The following VPS29 variants were observed in gnomAD, a reference collection of about 807,000 sequenced individuals.
VPS29 encodes the protein VPS29 retromer complex component, also known as vacuolar protein sorting-associated protein 29.
Under a neutral mutation model 20.0 loss-of-function variants are expected in VPS29, and 2 were observed. That is an observed-to-expected ratio of 0.10 (90% CI 0.04 to 0.31). The LOEUF is 0.31. Ranked by LOEUF, VPS29 falls within the 10% of genes least tolerant of loss-of-function variation. The pLI is 1.00. For synonymous variants in VPS29, 81 were observed against 79.3 expected (o/e 1.02, Z -0.12); for missense variants, 120 against 215.3 (o/e 0.56, Z 2.77).
intron 1 of VPS29, chr12:110,501,318 G>C: frequency 1.4e-6 from 2 of 1,446,392 alleles, no homozygotes; most frequent in Non-Finnish European, 1.9e-6. Flanking sequence ...GGGAGACTAG[G>C]TAAGTCTCCA....
At chr12:110,499,484 A>G in intron 1 of VPS29, 1 of 1,611,372 alleles carries the variant, frequency 6.2e-7, no homozygotes, top group Non-Finnish European at 8.5e-7. Context: ...TCCAGTCAGT[A>G]AACAGCCACC....
At chr12:110,498,116 C>T (rs1449604106) in intron 1 of VPS29, among the ~76,000 whole-genome samples, 1 of 151,772 alleles carries the variant, frequency 6.6e-6, no homozygotes, top group African/African-American at 2.4e-5. Context: ...GGATTACAAG[C>T]GCTCTCCACT....
rs555309641 is a variant in VPS29, at chr12:110,493,361, C to T, written c.196-130G>A. The T allele has an allele frequency of 1.1e-5, 6 of 566,804 alleles. No homozygotes were observed. In the East Asian group the frequency reaches 1.4e-4, roughly 13 times the overall value. 35.1% of individuals were successfully genotyped at this position (566,804 alleles called of 1,614,324 possible). The stretch of plus-strand genomic sequence containing the variant: ...GTACCCCACAACACACACATTTATA[C>T]ATTTTTTTTTTTTTTTGAGACAGAG... On this transcript the variant is annotated intron_variant, in intron 2 of 3. Coordinates refer to ENST00000549578, the MANE Select transcript of VPS29 (RefSeq NM_016226.5).
At chr12:110,492,559 G>C (rs1476880503) in intron 3 of VPS29, among the ~76,000 whole-genome samples, 1 of 149,038 alleles carries the variant, frequency 6.7e-6, no homozygotes, top group East Asian at 1.9e-4. Context: ...GACAGAGCAA[G>C]ACTCTGTCTC....
At chr12:110,496,702 A>ATT (rs1401758757) in intron 1 of VPS29, 1 of 152,230 alleles carries the variant, frequency 6.6e-6, no homozygotes, top group Non-Finnish European at 1.5e-5. Context: ...GAAATGATAT[A>ATT]TTAATCCCAG....
rs1301177478 is a variant in VPS29 at position 110,502,102 on chromosome 12, C to T, written c.-51G>A. On this transcript the variant is annotated 5_prime_UTR_variant, in exon 1 of 4. Coordinates refer to ENST00000549578, the MANE Select transcript of VPS29 (RefSeq NM_016226.5). ...CCACCACCGTCGCCGCCCTCTTCCT[C>T]AGGCTCCTCGGCGACCCGCCCACTT... 6.3e-7 allele frequency: 1 copy of T among 1,595,578 alleles called. No individual in the cohort carries two copies. The highest frequency in any genetic ancestry group is 1.8e-4 in the Middle Eastern group (1 of 5,530).
chr12:110,497,461 C>T (rs974374969), intron 1 of VPS29, among the ~76,000 whole-genome samples: 1 of 151,494 alleles, frequency 6.6e-6, no homozygotes, highest in African/African-American at 2.4e-5. Flanking sequence ...AGGTGATCCA[C>T]CTGCCTCCGC....
rs746331009 is a variant in VPS29, at chr12:110,493,878, T to TTA, written c.196-649_196-648dup. ...GCATGTAAGTTAGGGTGTGTTCAAA[T>TTA]TATAGCTTAATGTAGCCTTAATACT... On this transcript the variant is annotated intron_variant, in intron 2 of 3. Transcript: ENST00000549578. Among the ~76,000 whole-genome samples, 6 of 152,192 alleles carry TTA rather than the reference T, an allele frequency of 3.9e-5. No homozygotes were observed. The East Asian group carries it at 9.6e-4, about 24-fold the overall frequency.
intron 1 of VPS29, among the ~76,000 whole-genome samples, chr12:110,499,858 C>G (rs2062971730): frequency 6.6e-6 from 1 of 152,098 alleles, no homozygotes; most frequent in Admixed American, 6.6e-5. Context: ...CATCGACTTC[C>G]ATCTCTGTTT....
Position 110,496,177 on chromosome 12 carries a change from G to A in VPS29, c.30C>T (p.His10=). 1 of 1,612,646 alleles carries A rather than the reference G, an allele frequency of 6.2e-7. No individual in the cohort carries two copies. Among genetic ancestry groups the A allele is most frequent in the Non-Finnish European group, 8.5e-7 (1 of 1,178,906 alleles). Reference sequence around the variant, plus strand: ...GCAAACTGTTGCACCGGTGTGGGATGTGCAGATCTCCTAATACCAACACCA... The same window carrying A: ...GCAAACTGTTGCACCGGTGTGGGATATGCAGATCTCCTAATACCAACACCA... The part of the protein sequence containing the change: MLVLVLGDL[H]IPHRCNSLPA... The change falls in exon 2 of 4, where the codon CAC becomes CAT. Residue 10 remains histidine, a synonymous_variant. Transcript: ENST00000549578.
chr12:110,493,308 T>C, intron 2 of VPS29, 77 bp from the exon 3 acceptor site: 1 of 1,084,908 alleles, frequency 9.2e-7, no homozygotes, highest in Non-Finnish European at 1.3e-6. Context: ...TCCTTAAATA[T>C]TCAATCTCCT....
intron 1 of VPS29, chr12:110,498,950 A>G: frequency 1.7e-6 from 1 of 580,690 alleles, no homozygotes; most frequent in Non-Finnish European, 2.2e-6. Context: ...AAGAAGAAGA[A>G]GAACAACAAC....
chr12:110,499,296 A>G, intron 1 of VPS29: 1 of 462,150 alleles, frequency 2.2e-6, no homozygotes, highest in Non-Finnish European at 3.8e-6. Context: ...ACTTTGAAAC[A>G]TGTTCCCGCC....
intron 2 of VPS29, among the ~76,000 whole-genome samples, chr12:110,495,548 TA>T (rs963664118): frequency 3.6e-4 from 53 of 145,744 alleles, no homozygotes; most frequent in Admixed American, 4.8e-4. Flanking sequence ...CCATCTCTAC[TA>T]AAAAAAAAAA....
chr12:110,495,934 C>A lies in VPS29; in HGVS notation c.195+78G>T. The A allele has an allele frequency of 9.8e-6, 13 of 1,324,808 alleles. No homozygotes were observed. The East Asian group carries it at 9.9e-5, about 10-fold the overall frequency. 82.1% of individuals were successfully genotyped at this position (1,324,808 alleles called of 1,614,324 possible). On this transcript the variant is annotated intron_variant, in intron 2 of 3. Coordinates refer to ENST00000549578, the MANE Select transcript of VPS29 (RefSeq NM_016226.5). ...AAAAAAACCTTACCAGTTGAGAAAC[C>A]CTGGTCTAAAGATAAAGCTTATGTA... is the stretch of plus-strand genomic sequence containing the variant.
rs1313699357 is a variant in VPS29 at position 110,495,994 on chromosome 12, G to T, written c.195+18C>A. ...CAAGAAAGGGAGATATTTGAGAAGG[G>T]AAAGGGAAATACATCACCTCATCGA... On this transcript the variant is annotated intron_variant, in intron 2 of 3. Coordinates refer to ENST00000549578, the MANE Select transcript of VPS29 (RefSeq NM_016226.5). The T allele has an allele frequency of 6.7e-7, 1 of 1,494,762 alleles. No individual in the cohort carries two copies. Among genetic ancestry groups the T allele is most frequent in the East Asian group, 2.3e-5 (1 of 42,976 alleles). 92.6% of individuals were successfully genotyped at this position (1,494,762 alleles called of 1,614,324 possible).
intron 1 of VPS29, chr12:110,496,756 TA>T (rs1208705233): frequency 6.6e-6 from 1 of 152,396 alleles, no homozygotes; most frequent in Non-Finnish European, 1.5e-5. Flanking sequence ...GTTAATTATG[TA>T]ATTTATCTGT....
Position 110,491,771 on chromosome 12 carries a change from G to T in VPS29, c.*234C>A. On this transcript the variant is annotated 3_prime_UTR_variant, in exon 4 of 4. Coordinates refer to ENST00000549578, the MANE Select transcript of VPS29 (RefSeq NM_016226.5). ...CAAGGATAAATTTTTCTTAACAAGT[G>T]ACCAATTACTGTGTTGTGGACATTT... 2.6e-6 allele frequency: 1 copy of T among 388,366 alleles called. No homozygotes were observed. The highest frequency in any genetic ancestry group is 4.6e-6 in the Non-Finnish European group (1 of 218,696). 24.1% of individuals were successfully genotyped at this position (388,366 alleles called of 1,614,324 possible).
chr12:110,502,060 C>G lies in VPS29; in HGVS notation c.-9G>C. On this transcript the variant is annotated 5_prime_UTR_variant, in exon 1 of 4. Coordinates refer to ENST00000549578, the MANE Select transcript of VPS29 (RefSeq NM_016226.5). ...ACTGCAGCCCTCACCATCCTGTCAC[C>G]GGGCTCCGCTCAGTCACCACCACCG... The G allele has an allele frequency of 6.2e-7, 1 of 1,612,168 alleles. No individual in the cohort carries two copies. The highest frequency in any genetic ancestry group is 8.5e-7 in the Non-Finnish European group (1 of 1,179,868).
Sources: gnomAD v4.1 joint callset for allele counts (sites outside exome capture counted in the v4.1 genomes callset) on GRCh38, gnomAD v4.1.1 for gene constraint, MANE v1.5 for transcripts, NCBI Gene and HGNC (gene_info 2026-07-23, HGNC 2026-07-21) for gene names.